The following TUSC3 variants were observed in gnomAD, a reference collection of about 807,000 sequenced individuals.
TUSC3 encodes the protein dolichyl-diphosphooligosaccharide--protein glycosyltransferase subunit TUSC3.
A neutral mutation model predicts 44.8 loss-of-function variants in TUSC3; 45 were observed. The observed-to-expected ratio is 1.00, with a 90% CI of 0.79 to 1.29. The LOEUF is 1.29. Among genes scored for constraint, TUSC3 ranks in the 50% most tolerant of loss-of-function variants. The probability of loss-of-function intolerance (pLI) is 0.00; values close to 1 mark genes in which losing one functional copy is unlikely to be tolerated. For missense variants in TUSC3, 519 were observed against 437.9 expected (o/e 1.19, Z -1.65); for synonymous variants, 212 against 152.9 (o/e 1.39, Z -2.85).
At chr8:15,589,452 A>T (rs1803731784) in intron 1 of TUSC3, among the ~76,000 whole-genome samples, 1 of 152,220 alleles carries the variant, frequency 6.6e-6, no homozygotes, top group South Asian at 2.1e-4. Context: ...TTCGAAACAT[A>T]AAGATGGAAG....
chr8:15,427,988 T>A (rs1012205862), intron 1 of TUSC3, among the ~76,000 whole-genome samples: 1 of 151,872 alleles, frequency 6.6e-6, no homozygotes, highest in Non-Finnish European at 1.5e-5. Context: ...ATTATTATAC[T>A]TTTAAGTTTT....
intron 6 of TUSC3, among the ~76,000 whole-genome samples, chr8:15,692,825 T>C (rs985023750): frequency 1.3e-5 from 2 of 152,148 alleles, no homozygotes; most frequent in Non-Finnish European, 2.9e-5. Context: ...TTCATAGGTC[T>C]CTAAGAACAT....
chr8:15,573,106 C>T (rs1257787618), intron 1 of TUSC3, among the ~76,000 whole-genome samples: 1 of 148,052 alleles, frequency 6.8e-6, no homozygotes. Flanking sequence ...CGCAGTTAAG[C>T]AAAGCACAAT....
In TUSC3 at chr8:15,744,058, C is replaced by T. The variant is rs150163101; in HGVS notation, c.937+446C>T. On this transcript the variant is annotated intron_variant, in intron 8 of 10. Transcript: ENST00000503731. ...CATAGGTATTGTACAGTGAGATACT[C>T]TTATTACCTTTCTATTCGTTCCAAA... Among the ~76,000 whole-genome samples the T allele has an allele frequency of 1.9e-4, 29 of 152,332 alleles. No homozygotes were observed. The East Asian group carries it at 4.8e-3, about 25-fold the overall frequency.
chr8:15,778,015 A>G, the TUSC3 span, among the ~76,000 whole-genome samples: 2 of 151,318 alleles, frequency 1.3e-5, no homozygotes, highest in African/African-American at 4.9e-5. Context: ...CTTGCCCCCT[A>G]CCAATCCTAG....
At chr8:15,703,758 G>T (rs1410356031) in intron 6 of TUSC3, among the ~76,000 whole-genome samples, 1 of 152,056 alleles carries the variant, frequency 6.6e-6, no homozygotes, top group Non-Finnish European at 1.5e-5. Context: ...TTCATTACTG[G>T]GAGGGTGGCA....
chr8:15,702,988 A>C (rs1405649324), intron 6 of TUSC3, among the ~76,000 whole-genome samples: 1 of 152,150 alleles, frequency 6.6e-6, no homozygotes, highest in Non-Finnish European at 1.5e-5. Context: ...AACAAACAAA[A>C]AACACCACAC....
chr8:15,470,663 C>G (rs1399150645), intron 1 of TUSC3, among the ~76,000 whole-genome samples: 1 of 152,106 alleles, frequency 6.6e-6, no homozygotes, highest in Non-Finnish European at 1.5e-5. Context: ...TCCTTCCATT[C>G]AAAGTCCTTT....
At chr8:15,581,695 G>C (rs939054567) in intron 1 of TUSC3, among the ~76,000 whole-genome samples, 5 of 144,808 alleles carry the variant, frequency 3.5e-5, no homozygotes, top group African/African-American at 1.3e-4. Context: ...CCAGCTGCGT[G>C]CTGGGAGAAC....
intron 1 of TUSC3, among the ~76,000 whole-genome samples, chr8:15,567,777 T>C (rs938096997): frequency 3.3e-5 from 5 of 152,170 alleles, no homozygotes; most frequent in Non-Finnish European, 7.3e-5. Context: ...CTACAAAATT[T>C]TGTGGTTATT....
intron 6 of TUSC3, among the ~76,000 whole-genome samples, chr8:15,698,222 T>G (rs1809251269): frequency 6.6e-6 from 1 of 152,194 alleles, no homozygotes; most frequent in Admixed American, 6.5e-5. Context: ...GCAAAAATGC[T>G]GTAATTCTCT....
intron 1 of TUSC3, among the ~76,000 whole-genome samples, chr8:15,555,424 G>A (rs1025348876): frequency 2.0e-5 from 3 of 150,040 alleles, no homozygotes; most frequent in South Asian, 2.1e-4. Context: ...AGCCTCCCCA[G>A]TAGCTGGGAC....
upstream of TUSC3, among the ~76,000 whole-genome samples, chr8:15,538,236 T>G (rs1801554621): frequency 6.6e-6 from 1 of 152,182 alleles, no homozygotes; most frequent in Non-Finnish European, 1.5e-5. Flanking sequence ...TGTTTTTATG[T>G]TTAGTCTATT....
intron 8 of TUSC3, among the ~76,000 whole-genome samples, chr8:15,743,845 C>A (rs966095740): frequency 6.6e-6 from 1 of 152,106 alleles, no homozygotes; most frequent in Non-Finnish European, 1.5e-5. Context: ...TGGAGCTGTC[C>A]TTCACCCTTG....
intron 2 of TUSC3, among the ~76,000 whole-genome samples, chr8:15,637,923 C>T (rs1212752121): frequency 6.6e-6 from 1 of 152,156 alleles, no homozygotes; most frequent in Admixed American, 6.5e-5. Context: ...ATTTTCATGA[C>T]CTGCTTCTCT....
chr8:15,434,530 CTTTTT>C (rs59579003), intron 1 of TUSC3, among the ~76,000 whole-genome samples: 1 of 135,682 alleles, frequency 7.4e-6, no homozygotes, highest in Non-Finnish European at 1.6e-5. Context: ...AAAGCCATTC[CTTTTT>C]TTTTTTTTTT....
intron 1 of TUSC3, among the ~76,000 whole-genome samples, chr8:15,605,000 T>C (rs1320925831): frequency 6.6e-6 from 1 of 151,902 alleles, no homozygotes; most frequent in Non-Finnish European, 1.5e-5. Context: ...CTCTGGTTAT[T>C]GTAGAGAAGT....
intron 1 of TUSC3, among the ~76,000 whole-genome samples, chr8:15,586,341 G>A (rs1307924143): frequency 6.6e-6 from 1 of 152,080 alleles, no homozygotes; most frequent in Non-Finnish European, 1.5e-5. Flanking sequence ...GAACAACACC[G>A]TTAACTTGAA....
At chr8:15,605,696 T>C (rs1043758532) in intron 1 of TUSC3, among the ~76,000 whole-genome samples, 3 of 151,984 alleles carry the variant, frequency 2.0e-5, no homozygotes, top group African/African-American at 7.2e-5. Flanking sequence ...CCATAAGATA[T>C]ACACAAATCT....
Sources: gnomAD v4.1 joint callset for allele counts (sites outside exome capture counted in the v4.1 genomes callset) on GRCh38, gnomAD v4.1.1 for gene constraint, MANE v1.5 for transcripts, NCBI Gene and HGNC (gene_info 2026-07-23, HGNC 2026-07-21) for gene names.